Variants in COL6A6 observed in about 807,000 individuals in gnomAD.
The protein encoded by COL6A6 is collagen alpha-6(VI) chain.
A neutral mutation model predicts 208.6 loss-of-function variants in COL6A6; 183 were observed. That is an observed-to-expected ratio of 0.88 (90% CI 0.78 to 0.99). COL6A6 has a LOEUF of 0.99. Ranked by LOEUF, COL6A6 falls within the 50% of genes least tolerant of loss-of-function variation. COL6A6 has a pLI of 0.00. For missense variants in COL6A6, 2,816 were observed against 2,815.2 expected, an observed-to-expected ratio of 1.00 and a Z score of -0.01; for synonymous variants, 973 against 1,011.8, an observed-to-expected ratio of 0.96 and a Z score of 0.73.
chr3:130,563,048 A>C lies in COL6A6; in HGVS notation c.65-20A>C, dbSNP rs2062929785. On this transcript the variant is annotated intron_variant, in intron 2 of 36. Coordinates refer to ENST00000358511, the MANE Select transcript of COL6A6 (RefSeq NM_001102608.3). Reference sequence around the variant, plus strand: ...ATTTTTTAAAGTTTTTGGTTCGTTCATATGTTTGTGGTTTTGCAGGCCCTG... The same window carrying C: ...ATTTTTTAAAGTTTTTGGTTCGTTCCTATGTTTGTGGTTTTGCAGGCCCTG... 1 of 1,572,362 alleles carries C rather than the reference A, an allele frequency of 6.4e-7. No homozygotes were observed. The highest frequency in any genetic ancestry group is 8.7e-7 in the Non-Finnish European group (1 of 1,154,578).
At chr3:130,667,400 C>G (rs941295337) in intron 36 of COL6A6, among the ~76,000 whole-genome samples, 1 of 152,068 alleles carries the variant, frequency 6.6e-6, no homozygotes, top group African/African-American at 2.4e-5. Context: ...CCACGCCTGG[C>G]TAATTTTTTG....
Position 130,646,206 on chromosome 3 carries a change from A to AG in COL6A6, c.5239+1211dup, listed in dbSNP as rs550354406. ...GGATGCTGTGTCCTGGGATAATGTAAGGGGGGGAGATGTTTTTGGACAGAG... is the reference window on the plus strand; with the variant it reads ...GGATGCTGTGTCCTGGGATAATGTAAGGGGGGGGAGATGTTTTTGGACAGAG... On this transcript the variant is annotated intron_variant, in intron 32 of 36. Coordinates refer to ENST00000358511, the MANE Select transcript of COL6A6 (RefSeq NM_001102608.3). Among the ~76,000 whole-genome samples, 274 of 152,118 alleles carry AG rather than the reference A, an allele frequency of 1.8e-3. 1 individual carries two copies. The highest frequency in any genetic ancestry group is 1.9e-3 in the Non-Finnish European group (130 of 67,980).
At chr3:130,614,542 G>A (rs908043797) in intron 23 of COL6A6, among the ~76,000 whole-genome samples, 3 of 152,112 alleles carry the variant, frequency 2.0e-5, no homozygotes, top group Admixed American at 2.0e-4. Context: ...TTAGGGAGAA[G>A]TCCCTCTACC....
At chr3:130,541,504 T>C (rs1441564168) in intron 1 of COL6A6, among the ~76,000 whole-genome samples, 3 of 152,164 alleles carry the variant, frequency 2.0e-5, no homozygotes, top group Non-Finnish European at 4.4e-5. Context: ...GATCTTGTGG[T>C]TTAGTTTTGC....
In COL6A6 at chr3:130,588,917, CAAAAAA is replaced by C. The variant is rs58377635; in HGVS notation, c.4126-156_4126-151del. Reference sequence around the variant, plus strand: ...CAGATGATAGAAGAAAAGATGGAAGCAAAAAAAAAAAAAAAAAAAAAAGTTTCATGC... The same window carrying C: ...CAGATGATAGAAGAAAAGATGGAAGCAAAAAAAAAAAAAAAAGTTTCATGC... On this transcript the variant is annotated intron_variant, in intron 11 of 36. Coordinates refer to ENST00000358511, the MANE Select transcript of COL6A6 (RefSeq NM_001102608.3). 3.4e-4 allele frequency among the ~76,000 whole-genome samples: 23 copies of C among 68,264 alleles called. 1 individual carries two copies. Among genetic ancestry groups the C allele is most frequent in the African/African-American group, 6.2e-4 (14 of 22,578 alleles). The allele number at this position is 68,264 out of a possible 152,430, so 44.8% of individuals were successfully genotyped here.
intron 10 of COL6A6, among the ~76,000 whole-genome samples, chr3:130,585,827 T>C (rs1191716491): frequency 6.6e-6 from 1 of 152,246 alleles, no homozygotes; most frequent in Non-Finnish European, 1.5e-5. Context: ...CTGGGGATTT[T>C]GTTAAAATAC....
Position 130,598,345 on chromosome 3 carries a change from T to C in COL6A6, c.4534-20T>C. The C allele has an allele frequency of 2.7e-6, 4 of 1,490,754 alleles. No individual in the cohort carries two copies. Among genetic ancestry groups the C allele is most frequent in the Middle Eastern group, 3.4e-4 (2 of 5,870 alleles). The allele number at this position is 1,490,754 out of a possible 1,614,324, so 92.3% of individuals were successfully genotyped here. On this transcript the variant is annotated intron_variant, in intron 18 of 36. Transcript: ENST00000358511. The stretch of plus-strand genomic sequence containing the variant: ...AAATGTCCAAATATATTAATTTTTC[T>C]CTTTATTTTCTATTTTTAGGGAGCT...
At chr3:130,602,302 C>G (rs4426655) in intron 20 of COL6A6, among the ~76,000 whole-genome samples, 1 of 152,146 alleles carries the variant, frequency 6.6e-6, no homozygotes. Flanking sequence ...AAGCCACCAG[C>G]CCTGTTCCAG....
intron 36 of COL6A6, among the ~76,000 whole-genome samples, chr3:130,667,749 C>T (rs1035197617): frequency 6.6e-6 from 1 of 151,454 alleles, no homozygotes; most frequent in Non-Finnish European, 1.5e-5. Flanking sequence ...AAAATGAAGC[C>T]TTGGACTTTA....
chr3:130,626,283 T>G (rs886672495), intron 24 of COL6A6, among the ~76,000 whole-genome samples: 6 of 152,246 alleles, frequency 3.9e-5, no homozygotes, highest in African/African-American at 1.2e-4. Flanking sequence ...CAACTTGCCC[T>G]AAACAATAAA....
Position 130,553,828 on chromosome 3 carries a change from G to A in COL6A6, c.-31-6506G>A, listed in dbSNP as rs79010322. On this transcript the variant is annotated intron_variant, in intron 1 of 36. Transcript: ENST00000358511. Reference sequence around the variant, plus strand: ...AGTTGCTGTCCTTTGAATGGGTGTTGCGGTGGGTTTTTTTTGTGTTTTTTT... The same window carrying A: ...AGTTGCTGTCCTTTGAATGGGTGTTACGGTGGGTTTTTTTTGTGTTTTTTT... Among the ~76,000 whole-genome samples, 64 of 145,726 alleles carry A rather than the reference G, an allele frequency of 4.4e-4. No individual in the cohort carries two copies. The East Asian group carries it at 0.012, about 27-fold the overall frequency.
At chr3:130,626,627 G>A (rs2064894455) in intron 25 of COL6A6, 80 bp downstream of exon 25, 3 of 935,738 alleles carry the variant, frequency 3.2e-6, no homozygotes, top group Non-Finnish European at 5.3e-6. Flanking sequence ...TCTCTGAAGA[G>A]AGTTTTAAGG....
rs541777545 is a variant in COL6A6, at chr3:130,611,491, T to C, written c.4815+780T>C. Among the ~76,000 whole-genome samples, 104 of 152,224 alleles carry C rather than the reference T, an allele frequency of 6.8e-4. 2 individuals are homozygous for C. The highest frequency in any genetic ancestry group is 4.8e-4 in the Non-Finnish European group (33 of 68,044). ...CTCTCCTCCTAGATTGCAAGCTCCATAAAAGATAGGACTTTGTCTTATTAC... is the reference window on the plus strand; with the variant it reads ...CTCTCCTCCTAGATTGCAAGCTCCACAAAAGATAGGACTTTGTCTTATTAC... On this transcript the variant is annotated intron_variant, in intron 23 of 36. Transcript: ENST00000358511.
intron 27 of COL6A6, among the ~76,000 whole-genome samples, chr3:130,635,109 C>T (rs1348776746): frequency 6.6e-6 from 1 of 152,034 alleles, no homozygotes; most frequent in Non-Finnish European, 1.5e-5. Context: ...GTGGTGCATG[C>T]CTGTAGTCCC....
intron 1 of COL6A6, among the ~76,000 whole-genome samples, chr3:130,537,373 C>G (rs2062251108): frequency 6.6e-6 from 1 of 152,136 alleles, no homozygotes; most frequent in East Asian, 1.9e-4. Context: ...TAGTAGTGCT[C>G]AGTAGTAGCT....
At chr3:130,545,390 T>A (rs74913489) in intron 1 of COL6A6, among the ~76,000 whole-genome samples, 1,880 of 152,144 alleles carry the variant, frequency 0.012, 32 homozygotes, top group African/African-American at 0.043. Context: ...TGAGGAGAAG[T>A]TGAATGTAAT....
Position 130,560,341 on chromosome 3 carries a change from G to T in COL6A6, c.-24G>T. 6.3e-7 allele frequency: 1 copy of T among 1,593,872 alleles called. No individual in the cohort carries two copies. The highest frequency in any genetic ancestry group is 8.5e-7 in the Non-Finnish European group (1 of 1,169,636). ...ATATTTTTGCCTTTTCAGATTTGAAGTTGAAGATTTTTCAGGTCATAATAT... is the reference window on the plus strand; with the variant it reads ...ATATTTTTGCCTTTTCAGATTTGAATTTGAAGATTTTTCAGGTCATAATAT... On this transcript the variant is annotated 5_prime_UTR_variant, in exon 2 of 37. Transcript: ENST00000358511.
chr3:130,519,317 T>C (rs921984011), intron 1 of COL6A6, among the ~76,000 whole-genome samples: 2 of 152,172 alleles, frequency 1.3e-5, no homozygotes, highest in Non-Finnish European at 2.9e-5. Flanking sequence ...TCAGTAAATA[T>C]CCGCTGACCC....
At chr3:130,572,726 A>G (rs1023452748) in intron 7 of COL6A6, among the ~76,000 whole-genome samples, 12 of 152,244 alleles carry the variant, frequency 7.9e-5, no homozygotes, top group African/African-American at 2.7e-4. Flanking sequence ...CTTTATTGAA[A>G]TCTGAAACAA....
Sources: gnomAD v4.1 joint callset for allele counts (sites outside exome capture counted in the v4.1 genomes callset) on GRCh38, gnomAD v4.1.1 for gene constraint, MANE v1.5 for transcripts, NCBI Gene and HGNC (gene_info 2026-07-23, HGNC 2026-07-21) for gene names.